CIAO3: variants seen among roughly 807,000 people sequenced by gnomAD.
CIAO3 encodes cytosolic iron-sulfur assembly component 3, also known as LET1 like/JFP15.
Under a neutral mutation model 51.5 loss-of-function variants are expected in CIAO3, and 45 were observed. The ratio of observed to expected loss-of-function variants is 0.87; its 90% confidence interval spans 0.69 to 1.12. CIAO3 has a LOEUF of 1.12. CIAO3 is among the 50% of genes most tolerant of loss of function. CIAO3 has a pLI of 0.00. For synonymous variants in CIAO3, 314 were observed against 269.3 expected, an observed-to-expected ratio of 1.17 and a Z score of -1.63; for missense variants, 668 against 632.5, an observed-to-expected ratio of 1.06 and a Z score of -0.60.
At chr16:740,806 C>A (rs1022093784) in intron 1 of CIAO3, 114 bp downstream of exon 1, 29 of 1,139,804 alleles carry the variant, frequency 2.5e-5, no homozygotes, top group Admixed American at 8.6e-5. Flanking sequence ...CCAGACCGGG[C>A]TCCCGGGATT....
rs113596716 is a variant in CIAO3 at position 737,810 on chromosome 16, C to T, written c.163-481G>A. On this transcript the variant is annotated intron_variant, in intron 2 of 10. Coordinates refer to ENST00000251588, the MANE Select transcript of CIAO3 (RefSeq NM_022493.3). This position sits in a 1 kb window ranked among gnomAD's most constrained non-coding sequence, Gnocchi z 5.3. ...TGGCCTCCGGTGGGCGGGGCAGAAA[C>T]AACCGTCAGACTCGCCAAACAGATG... The T allele has an allele frequency of 5.8e-6, 7 of 1,197,104 alleles. No homozygotes were observed. The African/African-American group carries it at 9.6e-5, about 16-fold the overall frequency. 74.2% of individuals were successfully genotyped at this position (1,197,104 alleles called of 1,614,324 possible).
chr16:734,940 GGAC>G, intron 4 of CIAO3, 69 bp from the exon 5 acceptor site: 1 of 1,470,256 alleles, frequency 6.8e-7, no homozygotes, highest in African/African-American at 1.4e-5. Context: ...GCCGGCGTGT[GGAC>G]CACCATGGTG....
chr16:730,579 C>T lies in CIAO3; in HGVS notation c.1269G>A (p.Leu423=), dbSNP rs1311166584. Reference sequence around the variant, plus strand: ...GCGCCTCAGCCCGGACCATGCCGTACAGTCTCTCCACGTGCTGGAGGAGCT... The same window carrying T: ...GCGCCTCAGCCCGGACCATGCCGTATAGTCTCTCCACGTGCTGGAGGAGCT... ...SRELLQHVER[L]YGMVRAEAPE... Residue 423 remains leucine (L), a synonymous_variant, in exon 11 of 11, where the codon CTG becomes CTA. Transcript: ENST00000251588. The T allele has an allele frequency of 4.3e-6, 7 of 1,610,992 alleles. No homozygotes were observed. Among genetic ancestry groups the T allele is most frequent in the Admixed American group, 1.7e-5 (1 of 60,032 alleles).
chr16:731,427 C>G (rs994834130), intron 9 of CIAO3, 138 bp downstream of exon 9: 2 of 1,260,920 alleles, frequency 1.6e-6, no homozygotes, highest in Admixed American at 3.2e-5. Context: ...CTGCCTGGCC[C>G]CAGGGTCCCC....
chr16:738,858 C>T (rs889168244), intron 2 of CIAO3, among the ~76,000 whole-genome samples: 2 of 147,694 alleles, frequency 1.4e-5, no homozygotes, highest in African/African-American at 2.5e-5. Context: ...AGGCTGGTCT[C>T]GAACTCCTGA....
Position 739,780 on chromosome 16 carries a change from C to T in CIAO3, c.67-42G>A, listed in dbSNP as rs1308508734. The T allele has an allele frequency of 1.1e-5, 17 of 1,588,374 alleles. No homozygotes were observed. The Admixed American group carries it at 1.4e-4, about 13-fold the overall frequency. ...CCCCAAATCAGCCCCTGTGAGTGGGCGGAGGTTCCCTGGGAGGCCAGGCCT... is the reference window on the plus strand; with the variant it reads ...CCCCAAATCAGCCCCTGTGAGTGGGTGGAGGTTCCCTGGGAGGCCAGGCCT... On this transcript the variant is annotated intron_variant, in intron 1 of 10. Coordinates refer to ENST00000251588, the MANE Select transcript of CIAO3 (RefSeq NM_022493.3).
At position 730,328 on chromosome 16, in the gene CIAO3, A is replaced by T. The variant is rs2041259396; in HGVS notation, c.*89T>A. On this transcript the variant is annotated 3_prime_UTR_variant, in exon 11 of 11. Coordinates refer to ENST00000251588, the MANE Select transcript of CIAO3 (RefSeq NM_022493.3). The stretch of plus-strand genomic sequence containing the variant: ...CCAGCACACCCTGCAGCTCACTCAG[A>T]ATTTTGGGGGAAGCCCTGGGGTCTT... The T allele has an allele frequency of 7.4e-7, 1 of 1,359,314 alleles. No individual in the cohort carries two copies. Among genetic ancestry groups the T allele is most frequent in the Non-Finnish European group, 1.0e-6 (1 of 978,840 alleles). 84.2% of individuals were successfully genotyped at this position (1,359,314 alleles called of 1,614,324 possible).
chr16:733,733 A>T (rs1468565367), intron 6 of CIAO3: 2 of 420,986 alleles, frequency 4.8e-6, no homozygotes, highest in East Asian at 5.1e-5. Context: ...GGGGAAACGG[A>T]TGTCACGGGG....
intron 1 of CIAO3, chr16:740,630 C>T: frequency 2.0e-6 from 1 of 498,748 alleles, no homozygotes; most frequent in South Asian, 2.3e-5. Flanking sequence ...GGCAGGCCGG[C>T]GCGAGCCCGC....
chr16:739,578 A>G (rs760495629), intron 2 of CIAO3, 65 bp downstream of exon 2: 1 of 1,479,146 alleles, frequency 6.8e-7, no homozygotes. Flanking sequence ...GACGGGAGGA[A>G]GCAGAGAAAA....
Position 729,786 on chromosome 16 carries a change from A to G in CIAO3, c.*631T>C. 1.7e-6 allele frequency: 2 copies of G among 1,194,358 alleles called. No homozygotes were observed. The highest frequency in any genetic ancestry group is 1.6e-5 in the South Asian group (1 of 63,370). 74.0% of individuals were successfully genotyped at this position (1,194,358 alleles called of 1,614,324 possible). A position where few individuals can be genotyped will look rare whatever the true frequency, so the allele number is the denominator to read the frequency against. On this transcript the variant is annotated 3_prime_UTR_variant, in exon 11 of 11. Transcript: ENST00000251588. ...GGCGTGTTTTAGGAGGGGTGCGTTTATTAGACAAACGCTGGGAGACAGGCC... is the reference window on the plus strand; with the variant it reads ...GGCGTGTTTTAGGAGGGGTGCGTTTGTTAGACAAACGCTGGGAGACAGGCC...
chr16:731,858 G>T, intron 8 of CIAO3, 156 bp from the exon 9 acceptor site: 3 of 1,022,882 alleles, frequency 2.9e-6, no homozygotes, highest in Non-Finnish European at 4.1e-6. Context: ...GCCATCACAG[G>T]GGCCCAGCCA....
chr16:730,685 C>T, intron 10 of CIAO3, 30 bp from the exon 11 acceptor site: 2 of 1,596,444 alleles, frequency 1.3e-6, no homozygotes, highest in South Asian at 1.1e-5. Flanking sequence ...ACAGGGGTCA[C>T]AGCCTGCGCC....
intron 4 of CIAO3, among the ~76,000 whole-genome samples, chr16:735,822 A>G (rs568099082): frequency 6.6e-6 from 1 of 152,300 alleles, no homozygotes; most frequent in African/African-American, 2.4e-5. Context: ...AAAGGCACAC[A>G]GTAACCATGA....
chr16:729,872 T>G lies in CIAO3; in HGVS notation c.*545A>C. 1 of 456,054 alleles carries G rather than the reference T, an allele frequency of 2.2e-6. No homozygotes were observed. Among genetic ancestry groups the G allele is most frequent in the Non-Finnish European group, 3.6e-6 (1 of 274,062 alleles). 28.3% of individuals were successfully genotyped at this position (456,054 alleles called of 1,614,324 possible). A position where few individuals can be genotyped will look rare whatever the true frequency, so the allele number is the denominator to read the frequency against. On this transcript the variant is annotated 3_prime_UTR_variant, in exon 11 of 11. Transcript: ENST00000251588. Reference sequence around the variant, plus strand: ...GATGGCTGCTGCTTCGTACTTGGCTTGCCCCGGACCACAGCCTCGTAACGG... The same window carrying G: ...GATGGCTGCTGCTTCGTACTTGGCTGGCCCCGGACCACAGCCTCGTAACGG...
At position 737,731 on chromosome 16, in the gene CIAO3, A is replaced by G. The variant is rs1053114893; in HGVS notation, c.163-402T>C. The stretch of plus-strand genomic sequence containing the variant: ...GAGGCGGGAAAGCTGAGGACAAAGG[A>G]GGAAAGGACGAAGGCACAGGAAGAG... On this transcript the variant is annotated intron_variant, in intron 2 of 10. Transcript: ENST00000251588. The surrounding 1 kb of genome is among the most constrained non-coding windows in gnomAD (Gnocchi z 5.3). 5 of 1,287,584 alleles carry G rather than the reference A, an allele frequency of 3.9e-6. No homozygotes were observed. The highest frequency in any genetic ancestry group is 5.1e-6 in the Non-Finnish European group (5 of 988,322). 79.8% of individuals were successfully genotyped at this position (1,287,584 alleles called of 1,614,324 possible).
At chr16:731,539 C>G in intron 9 of CIAO3, 26 bp downstream of exon 9, 1 of 1,541,870 alleles carries the variant, frequency 6.5e-7, no homozygotes, top group Non-Finnish European at 8.8e-7. Flanking sequence ...GCCGCTCTGC[C>G]CAGAGATCTG....
At chr16:740,068 A>G in intron 1 of CIAO3, 4 of 1,370,396 alleles carry the variant, frequency 2.9e-6, no homozygotes, top group Non-Finnish European at 3.8e-6. Flanking sequence ...CAGAGACCAG[A>G]GTTGCACTGC....
chr16:730,288 G>A lies in CIAO3; in HGVS notation c.*129C>T, dbSNP rs1235727289. The A allele has an allele frequency of 1.1e-6, 1 of 943,274 alleles. No individual in the cohort carries two copies. Among genetic ancestry groups the A allele is most frequent in the Admixed American group, 2.1e-5 (1 of 47,228 alleles). 58.4% of individuals were successfully genotyped at this position (943,274 alleles called of 1,614,324 possible). On this transcript the variant is annotated 3_prime_UTR_variant, in exon 11 of 11. Transcript: ENST00000251588. ...CGGCTGCGGGTCCTGGCTAGTCCTAGCTCCTACTCGGGTCCCAGCACACCC... is the reference window on the plus strand; with the variant it reads ...CGGCTGCGGGTCCTGGCTAGTCCTAACTCCTACTCGGGTCCCAGCACACCC...
Sources: gnomAD v4.1 joint callset for allele counts (sites outside exome capture counted in the v4.1 genomes callset) on GRCh38, gnomAD v4.1.1 for gene constraint, Gnocchi (gnomAD v3.1) non-coding constraint, MANE v1.5 for transcripts, NCBI Gene and HGNC (gene_info 2026-07-23, HGNC 2026-07-21) for gene names.